GPHN: variants seen among roughly 807,000 people sequenced by gnomAD.
GPHN encodes the protein gephyrin.
In GPHN, 17 loss-of-function variants were observed where a neutral mutation model predicts 95.5. That is an observed-to-expected ratio of 0.18 (90% CI 0.12 to 0.27). The LOEUF is 0.27. Among genes scored for constraint, GPHN ranks in the 10% least tolerant of loss-of-function variants. The pLI, the probability that GPHN is intolerant of heterozygous loss-of-function variation, is 1.00. For synonymous variants in GPHN, 320 were observed against 322.5 expected (o/e 0.99, Z 0.08); for missense variants, 660 against 978.1 (o/e 0.67, Z 4.34).
At chr14:66,964,408 G>A (rs1567158933) in intron 8 of GPHN, among the ~76,000 whole-genome samples, 1 of 152,176 alleles carries the variant, frequency 6.6e-6, no homozygotes, top group African/African-American at 2.4e-5. Context: ...GCAGACGTCA[G>A]ATAGCATGCT....
At chr14:66,860,221 A>G (rs967520219) in intron 4 of GPHN, among the ~76,000 whole-genome samples, 16 of 152,158 alleles carry the variant, frequency 1.1e-4, no homozygotes, top group Non-Finnish European at 1.9e-4. Context: ...TCCTAAAAGC[A>G]CCAAGAGAAA....
chr14:66,549,524 AAAG>A (rs1249561480), intron 1 of GPHN, among the ~76,000 whole-genome samples: 1 of 152,188 alleles, frequency 6.6e-6, no homozygotes, highest in Non-Finnish European at 1.5e-5. Flanking sequence ...AGGTATAAGA[AAAG>A]AAGCCATTTC....
intron 8 of GPHN, among the ~76,000 whole-genome samples, chr14:66,934,127 A>AG (rs1314174975): frequency 7.0e-6 from 1 of 142,630 alleles, no homozygotes; most frequent in Non-Finnish European, 1.5e-5. Flanking sequence ...TGACAGAGCA[A>AG]GACTCTGTCT....
At chr14:67,457,629 T>C in the GPHN span, among the ~76,000 whole-genome samples, 68 of 152,178 alleles carry the variant, frequency 4.5e-4, no homozygotes, top group African/African-American at 1.5e-3. Flanking sequence ...AACAAACAAA[T>C]GCCTAAAGAA....
chr14:66,948,154 C>CTA (rs1290651584), intron 8 of GPHN, among the ~76,000 whole-genome samples: 1 of 152,098 alleles, frequency 6.6e-6, no homozygotes, highest in East Asian at 1.9e-4. Flanking sequence ...CAAGAGTATA[C>CTA]CTTTTTGTTT....
chr14:67,346,252 A>G, the GPHN span, among the ~76,000 whole-genome samples: 1 of 152,242 alleles, frequency 6.6e-6, no homozygotes, highest in Non-Finnish European at 1.5e-5. Flanking sequence ...AATATTCTAT[A>G]TGATTTAATT....
chr14:66,704,652 A>G (rs1488323994), intron 2 of GPHN, among the ~76,000 whole-genome samples: 2 of 152,188 alleles, frequency 1.3e-5, no homozygotes, highest in Non-Finnish European at 2.9e-5. Flanking sequence ...TCTGGTACAC[A>G]GCTAAAGAAG....
the GPHN span, among the ~76,000 whole-genome samples, chr14:67,351,911 C>CAAAAAAAAA: frequency 3.9e-5 from 5 of 128,102 alleles, no homozygotes; most frequent in East Asian, 1.3e-3. Flanking sequence ...GAACCTCTAC[C>CAAAAAAAAA]AAAAAAAAAA....
chr14:67,566,869 T>C, the GPHN span, among the ~76,000 whole-genome samples: 1 of 152,264 alleles, frequency 6.6e-6, no homozygotes, highest in Admixed American at 6.5e-5. Flanking sequence ...TCTCCTCTTA[T>C]TCTGTATAGA....
chr14:67,473,801 G>A, the GPHN span: 4 of 1,613,906 alleles, frequency 2.5e-6, no homozygotes, highest in Non-Finnish European at 1.7e-6. This position sits in a 1 kb window ranked among gnomAD's most constrained non-coding sequence, Gnocchi z 6.5. Context: ...TGACCCCAGG[G>A]AACTTCCAGT....
the GPHN span, among the ~76,000 whole-genome samples, chr14:67,268,328 A>G: frequency 3.3e-5 from 5 of 152,194 alleles, no homozygotes; most frequent in Non-Finnish European, 2.9e-5. Flanking sequence ...GATCGAATTC[A>G]TCTGTTACCC....
intron 4 of GPHN, among the ~76,000 whole-genome samples, chr14:66,845,998 C>G (rs185654901): frequency 7.9e-5 from 12 of 152,260 alleles, no homozygotes; most frequent in Admixed American, 7.2e-4. Flanking sequence ...AGAGAATTGA[C>G]CCTTGTCTTC....
At chr14:67,675,268 G>A in the GPHN span, among the ~76,000 whole-genome samples, 4 of 152,140 alleles carry the variant, frequency 2.6e-5, no homozygotes, top group African/African-American at 9.7e-5. Flanking sequence ...AGTACTTTGG[G>A]AGGCCGAGGT....
chr14:67,117,949 G>C (rs1838620834), intron 16 of GPHN, among the ~76,000 whole-genome samples: 1 of 152,030 alleles, frequency 6.6e-6, no homozygotes, highest in Non-Finnish European at 1.5e-5. Flanking sequence ...CCTAAGTCTT[G>C]GTAGGATTTT....
chr14:66,781,303 A>C (rs867546357), intron 3 of GPHN, among the ~76,000 whole-genome samples: 1 of 149,160 alleles, frequency 6.7e-6, no homozygotes, highest in Admixed American at 6.7e-5. Flanking sequence ...TGCAACCTCT[A>C]CCTCCCCGGT....
chr14:66,633,233 T>C (rs2063916560), intron 1 of GPHN, among the ~76,000 whole-genome samples: 1 of 150,296 alleles, frequency 6.7e-6, no homozygotes, highest in Non-Finnish European at 1.5e-5. Context: ...CTTCTTTGAA[T>C]TCATTCTGTT....
chr14:67,199,917 T>G, the GPHN span: 9 of 1,473,632 alleles, frequency 6.1e-6, no homozygotes, highest in Non-Finnish European at 7.3e-6. Context: ...CAGGACATCC[T>G]GGTCATGGAC....
chr14:66,532,951 A>G (rs941252916), intron 1 of GPHN, among the ~76,000 whole-genome samples: 5 of 152,220 alleles, frequency 3.3e-5, no homozygotes, highest in Non-Finnish European at 7.3e-5. Context: ...TAGATCAGTC[A>G]TCTGTGATCA....
chr14:67,043,217 T>C (rs1339274087), intron 10 of GPHN, among the ~76,000 whole-genome samples: 2 of 152,240 alleles, frequency 1.3e-5, no homozygotes, highest in East Asian at 3.8e-4. Flanking sequence ...TTGAATATCC[T>C]TTATCGCTTT....
Sources: allele counts gnomAD v4.1 joint callset (sites outside exome capture counted in the v4.1 genomes callset), GRCh38; gene constraint gnomAD v4.1.1; non-coding constraint Gnocchi (gnomAD v3.1); transcripts MANE v1.5; gene names NCBI Gene and HGNC (gene_info 2026-07-23, HGNC 2026-07-21).